THRB: variants seen among roughly 807,000 people sequenced by gnomAD.
THRB encodes the protein nuclear receptor subfamily 1 group A member 2.
In THRB, 12 loss-of-function variants were observed where a neutral mutation model predicts 47.8. The observed-to-expected ratio is 0.25, with a 90% CI of 0.16 to 0.41. The LOEUF (loss-of-function observed/expected upper bound fraction) is 0.41, where lower values mean the gene tolerates loss of function less well. Ranked by LOEUF, THRB falls within the 10% of genes least tolerant of loss-of-function variation. The pLI, the probability that THRB is intolerant of heterozygous loss-of-function variation, is 1.00. For synonymous variants in THRB, 218 were observed against 212.2 expected, an observed-to-expected ratio of 1.03 and a Z score of -0.24; for missense variants, 348 against 589.2, an observed-to-expected ratio of 0.59 and a Z score of 4.24.
intron 3 of THRB, among the ~76,000 whole-genome samples, chr3:24,287,398 A>C (rs2055422738): frequency 6.6e-6 from 1 of 152,194 alleles, no homozygotes; most frequent in South Asian, 2.1e-4. Context: ...GCATTATTTT[A>C]TTTAAACTTT....
At chr3:24,233,562 A>AG (rs1377949550) in intron 3 of THRB, among the ~76,000 whole-genome samples, 35 of 64,520 alleles carry the variant, frequency 5.4e-4, no homozygotes, top group Non-Finnish European at 1.0e-3. Context: ...AGAAAAAGGA[A>AG]GAAAGAAAGA....
rs550660643 is a variant in THRB, at chr3:24,489,290, T to C, written c.-261+5362A>G. ...GATTTAAACCACTATACCAATATCATTTAATTTCTGGTAAGCACTGACCAG... is the reference window on the plus strand; with the variant it reads ...GATTTAAACCACTATACCAATATCACTTAATTTCTGGTAAGCACTGACCAG... On this transcript the variant is annotated intron_variant, in intron 1 of 10. Coordinates refer to ENST00000646209, the MANE Select transcript of THRB (RefSeq NM_001354712.2). Among the ~76,000 whole-genome samples the C allele has an allele frequency of 3.9e-5, 6 of 152,212 alleles. No homozygotes were observed. The East Asian group carries it at 1.2e-3, about 29-fold the overall frequency.
intron 5 of THRB, among the ~76,000 whole-genome samples, chr3:24,182,704 A>G (rs976831018): frequency 1.3e-5 from 2 of 152,190 alleles, no homozygotes; most frequent in African/African-American, 2.4e-5. Flanking sequence ...GAGGGTCCAC[A>G]TTTTACAGAC....
intron 1 of THRB, among the ~76,000 whole-genome samples, chr3:24,475,335 A>T (rs1200688600): frequency 6.6e-6 from 1 of 152,202 alleles, no homozygotes; most frequent in African/African-American, 2.4e-5. Flanking sequence ...TAATTTACTT[A>T]TTTAGAAATA....
intron 1 of THRB, among the ~76,000 whole-genome samples, chr3:24,437,369 C>A (rs946383904): frequency 2.6e-5 from 4 of 151,654 alleles, no homozygotes; most frequent in African/African-American, 9.7e-5. Context: ...ATTGGTGGTT[C>A]CCAGAGGCTG....
At chr3:24,356,455 C>A (rs746167467) in intron 1 of THRB, among the ~76,000 whole-genome samples, 5 of 152,124 alleles carry the variant, frequency 3.3e-5, no homozygotes, top group Non-Finnish European at 5.9e-5. Flanking sequence ...GTTCTATGGT[C>A]CAGGCCAGTC....
rs79776864 is a variant in THRB at position 24,480,219 on chromosome 3, T to A, written c.-261+14433A>T. On this transcript the variant is annotated intron_variant, in intron 1 of 10. Coordinates refer to ENST00000646209, the MANE Select transcript of THRB (RefSeq NM_001354712.2). Reference sequence around the variant, plus strand: ...GCTTCTGGGGAGCCCAAACTGATGGTCAGTCTTTTGAAAGAATATTGCACT... The same window carrying A: ...GCTTCTGGGGAGCCCAAACTGATGGACAGTCTTTTGAAAGAATATTGCACT... Among the ~76,000 whole-genome samples the A allele has an allele frequency of 4.1e-3, 628 of 152,340 alleles. 5 individuals are homozygous for A. The highest frequency in any genetic ancestry group is 0.015 in the African/African-American group (608 of 41,580).
At chr3:24,439,481 A>G (rs1471088633) in intron 1 of THRB, among the ~76,000 whole-genome samples, 3 of 152,158 alleles carry the variant, frequency 2.0e-5, no homozygotes, top group Non-Finnish European at 4.4e-5. Flanking sequence ...AACCATATCC[A>G]TATGTTTCTA....
chr3:24,362,453 A>G (rs2064146147), intron 1 of THRB, among the ~76,000 whole-genome samples: 1 of 152,142 alleles, frequency 6.6e-6, no homozygotes, highest in Non-Finnish European at 1.5e-5. Context: ...GGTTTCTCAT[A>G]CCAAGCTGTT....
chr3:24,286,601 G>A (rs2055325239), intron 3 of THRB, among the ~76,000 whole-genome samples: 1 of 152,164 alleles, frequency 6.6e-6, no homozygotes, highest in Non-Finnish European at 1.5e-5. Context: ...GCTGAAGAAT[G>A]TTGATCCACT....
intron 2 of THRB, among the ~76,000 whole-genome samples, chr3:24,320,871 T>C (rs1193538782): frequency 1.3e-5 from 2 of 152,080 alleles, no homozygotes; most frequent in African/African-American, 2.4e-5. Flanking sequence ...ACTTATTTCC[T>C]TTCTCCTCTG....
intron 1 of THRB, among the ~76,000 whole-genome samples, chr3:24,490,368 G>A (rs777940881): frequency 1.7e-4 from 26 of 152,166 alleles, no homozygotes; most frequent in African/African-American, 5.8e-4. Context: ...GGCAGCAAAC[G>A]TTCACTCTGG....
intron 1 of THRB, among the ~76,000 whole-genome samples, chr3:24,399,043 A>C (rs973602391): frequency 1.1e-4 from 16 of 151,972 alleles, no homozygotes; most frequent in Non-Finnish European, 1.8e-4. Flanking sequence ...ACACTTGGAC[A>C]CAGGAAGGGG....
At chr3:24,228,191 G>C (rs2047867515) in intron 4 of THRB, among the ~76,000 whole-genome samples, 1 of 152,016 alleles carries the variant, frequency 6.6e-6, no homozygotes, top group African/African-American at 2.4e-5. Flanking sequence ...GTCATCACTG[G>C]TGTTATCAGC....
chr3:24,209,633 C>T (rs1575905895), intron 4 of THRB, among the ~76,000 whole-genome samples: 3 of 152,222 alleles, frequency 2.0e-5, no homozygotes, highest in Admixed American at 2.0e-4. Flanking sequence ...AATGAGTACA[C>T]TCGGACACAG....
chr3:24,380,846 G>T (rs2065653017), intron 1 of THRB, among the ~76,000 whole-genome samples: 1 of 152,176 alleles, frequency 6.6e-6, no homozygotes, highest in African/African-American at 2.4e-5. Flanking sequence ...GCTGGGCACG[G>T]TGGCTCACGC....
intron 3 of THRB, among the ~76,000 whole-genome samples, chr3:24,283,462 C>G (rs1380009768): frequency 6.6e-6 from 1 of 151,294 alleles, no homozygotes; most frequent in Non-Finnish European, 1.5e-5. Flanking sequence ...TTATGACAAA[C>G]CCACAGCCAA....
intron 2 of THRB, among the ~76,000 whole-genome samples, chr3:24,321,442 A>C (rs1317085212): frequency 6.6e-6 from 1 of 152,178 alleles, no homozygotes; most frequent in Admixed American, 6.5e-5. Flanking sequence ...TACATTTTTC[A>C]TTTATAGAAA....
At chr3:24,319,938 G>A (rs1442483815) in intron 2 of THRB, among the ~76,000 whole-genome samples, 1 of 152,174 alleles carries the variant, frequency 6.6e-6, no homozygotes. Flanking sequence ...ACAACCGAGG[G>A]CAAAGACATC....
Sources: gnomAD v4.1 joint callset for allele counts (sites outside exome capture counted in the v4.1 genomes callset) on GRCh38, gnomAD v4.1.1 for gene constraint, MANE v1.5 for transcripts, NCBI Gene and HGNC (gene_info 2026-07-23, HGNC 2026-07-21) for gene names.